The following ARHGAP31 variants were observed in gnomAD, a reference collection of about 807,000 sequenced individuals.
ARHGAP31 encodes rho GTPase-activating protein 31.
A neutral mutation model predicts 113.9 loss-of-function variants in ARHGAP31; 34 were observed. The observed-to-expected ratio is 0.30, with a 90% CI of 0.23 to 0.40. ARHGAP31 has a LOEUF of 0.40. Among genes scored for constraint, ARHGAP31 ranks in the 10% least tolerant of loss-of-function variants. ARHGAP31 has a pLI of 1.00. For synonymous variants in ARHGAP31, 650 were observed against 684.8 expected (o/e 0.95, Z 0.79); for missense variants, 1,548 against 1,767.1 (o/e 0.88, Z 2.22).
intron 1 of ARHGAP31, among the ~76,000 whole-genome samples, chr3:119,354,581 C>T (rs189480180): frequency 8.8e-4 from 133 of 151,882 alleles, no homozygotes; most frequent in African/African-American, 3.2e-3. Context: ...CATCTCAGCT[C>T]ACTGCAACCT....
chr3:119,404,491 C>G (rs938792097), intron 10 of ARHGAP31, among the ~76,000 whole-genome samples: 1 of 152,154 alleles, frequency 6.6e-6, no homozygotes, highest in Non-Finnish European at 1.5e-5. Context: ...TCACCCTGCT[C>G]TCTGACGGGG....
In ARHGAP31 at chr3:119,402,512, C is replaced by T. The variant is rs1577031064; in HGVS notation, c.1645+115C>T. On this transcript the variant is annotated intron_variant, in intron 10 of 11. Transcript: ENST00000264245. ...GGTTAAGCCTGTGGGCTCTAGAGCC[C>T]GATTGGGTACAAATCCACGCTCTGC... is the stretch of plus-strand genomic sequence containing the variant. 4 of 1,139,424 alleles carry T rather than the reference C, an allele frequency of 3.5e-6. No individual in the cohort carries two copies. The East Asian group carries it at 7.7e-5, about 22-fold the overall frequency. The allele number at this position is 1,139,424 out of a possible 1,614,324, so 70.6% of individuals were successfully genotyped here.
intron 1 of ARHGAP31, among the ~76,000 whole-genome samples, chr3:119,312,907 C>T (rs2079695465): frequency 6.6e-6 from 1 of 152,080 alleles, no homozygotes; most frequent in Non-Finnish European, 1.5e-5. Context: ...AGCACAGAGA[C>T]CTTTCTCTGT....
At chr3:119,337,985 T>G (rs1350774315) in intron 1 of ARHGAP31, among the ~76,000 whole-genome samples, 2 of 152,176 alleles carry the variant, frequency 1.3e-5, no homozygotes, top group Non-Finnish European at 2.9e-5. Context: ...TCATTTAAGG[T>G]CTATATATGC....
chr3:119,295,705 T>C (rs2079529029), intron 1 of ARHGAP31, among the ~76,000 whole-genome samples: 1 of 151,022 alleles, frequency 6.6e-6, no homozygotes, highest in African/African-American at 2.4e-5. Context: ...TTAAATAGTT[T>C]AGGGTAAGTA....
chr3:119,405,498 A>G (rs886109334), intron 10 of ARHGAP31, among the ~76,000 whole-genome samples: 1 of 152,174 alleles, frequency 6.6e-6, no homozygotes, highest in African/African-American at 2.4e-5. Flanking sequence ...GCTTCCACTT[A>G]AGGATGTCAC....
At chr3:119,306,201 T>C (rs1439747305) in intron 1 of ARHGAP31, among the ~76,000 whole-genome samples, 1 of 152,210 alleles carries the variant, frequency 6.6e-6, no homozygotes, top group Non-Finnish European at 1.5e-5. Flanking sequence ...AGTATACTAC[T>C]AGAGATACTC....
chr3:119,370,457 C>T (rs1004239779), intron 3 of ARHGAP31, among the ~76,000 whole-genome samples: 5 of 152,056 alleles, frequency 3.3e-5, no homozygotes, highest in African/African-American at 1.2e-4. Context: ...TAAAGTAATA[C>T]AGAAATGTAT....
In ARHGAP31 at chr3:119,344,705, C is replaced by T. The variant is rs1045377600; in HGVS notation, c.101-20611C>T. On this transcript the variant is annotated intron_variant, in intron 1 of 11. Transcript: ENST00000264245. ...AGTACAGTGGCGTGATCATGGCTCACGGCAGCCTCAACCTCCCCCCATCTC... is the reference window on the plus strand; with the variant it reads ...AGTACAGTGGCGTGATCATGGCTCATGGCAGCCTCAACCTCCCCCCATCTC... Among the ~76,000 whole-genome samples, 6 of 151,934 alleles carry T rather than the reference C, an allele frequency of 3.9e-5. No individual in the cohort carries two copies. The East Asian group carries it at 5.8e-4, about 15-fold the overall frequency.
chr3:119,325,730 C>T (rs951892404), intron 1 of ARHGAP31, among the ~76,000 whole-genome samples: 3 of 152,034 alleles, frequency 2.0e-5, no homozygotes, highest in South Asian at 2.1e-4. Context: ...AAAACAGTGG[C>T]GAGAAGAAAC....
intron 6 of ARHGAP31, among the ~76,000 whole-genome samples, chr3:119,388,377 G>A (rs1315831069): frequency 6.7e-6 from 1 of 149,370 alleles, no homozygotes; most frequent in African/African-American, 2.5e-5. Flanking sequence ...GGGCCAGTGG[G>A]CAAACAGGAA....
In ARHGAP31 at chr3:119,294,628, G is replaced by C. The variant is rs1250958392; in HGVS notation, c.-277G>C. The C allele has an allele frequency of 1.8e-6, 1 of 558,508 alleles. No homozygotes were observed. Among genetic ancestry groups the C allele is most frequent in the African/African-American group, 2.0e-5 (1 of 49,742 alleles). The allele number at this position is 558,508 out of a possible 1,614,324, so 34.6% of individuals were successfully genotyped here. A position where few individuals can be genotyped will look rare whatever the true frequency, so the allele number is the denominator to read the frequency against. ...CCTGTGAAAGTCCCTAGGACTCCAAGTGAGGAAGTGACACTCCCAGGCGAG... is the reference window on the plus strand; with the variant it reads ...CCTGTGAAAGTCCCTAGGACTCCAACTGAGGAAGTGACACTCCCAGGCGAG... On this transcript the variant is annotated 5_prime_UTR_variant, in exon 1 of 12. Transcript: ENST00000264245.
rs1391875786 is a variant in ARHGAP31 at position 119,409,668 on chromosome 3, A to G, written c.1818A>G (p.Pro606=). 1 of 1,611,818 alleles carries G rather than the reference A, an allele frequency of 6.2e-7. No homozygotes were observed. Among genetic ancestry groups the G allele is most frequent in the Non-Finnish European group, 8.5e-7 (1 of 1,178,962 alleles). The change falls in exon 11 of 12, where the codon CCA becomes CCG. Residue 606 remains proline (P), a synonymous_variant. Transcript: ENST00000264245. ...SQHLNELEKR[P]NPEKVVEEGR... is the part of the protein sequence containing the mutation. ...ATTTAAATGAATTAGAGAAGAGGCC[A>G]AATCCGGAGAAGGTGGTGGAGGAGG...
intron 1 of ARHGAP31, among the ~76,000 whole-genome samples, chr3:119,334,201 G>A (rs1385043393): frequency 2.6e-5 from 4 of 151,916 alleles, no homozygotes; most frequent in South Asian, 4.2e-4. Context: ...TTCATCTCCC[G>A]GCTCCCCCTC....
Position 119,420,539 on chromosome 3 carries a change from T to C in ARHGAP31, c.*4275T>C, listed in dbSNP as rs922613042. 1 of 148,704 alleles carries C rather than the reference T, an allele frequency of 6.7e-6. No homozygotes were observed. The highest frequency in any genetic ancestry group is 1.5e-5 in the Non-Finnish European group (1 of 66,712). The allele number at this position is 148,704 out of a possible 1,614,324, so 9.2% of individuals were successfully genotyped here. A position where few individuals can be genotyped will look rare whatever the true frequency, so the allele number is the denominator to read the frequency against. On this transcript the variant is annotated 3_prime_UTR_variant, in exon 12 of 12. Transcript: ENST00000264245. ...GATCATTTAGTAATCTTGAGGTACA[T>C]TAATAATGCAGAGATTACTTTTCTG...
At chr3:119,322,957 C>T (rs1237850925) in intron 1 of ARHGAP31, among the ~76,000 whole-genome samples, 4 of 152,230 alleles carry the variant, frequency 2.6e-5, no homozygotes, top group African/African-American at 9.6e-5. Flanking sequence ...TGCCCCCGCC[C>T]CGCAGTAGGG....
chr3:119,370,686 CG>C (rs1346911940), intron 3 of ARHGAP31, among the ~76,000 whole-genome samples: 1 of 152,130 alleles, frequency 6.6e-6, no homozygotes, highest in Non-Finnish European at 1.5e-5. Flanking sequence ...TTAAGAAATA[CG>C]GGAAGACACT....
Position 119,420,553 on chromosome 3 carries a change from A to G in ARHGAP31, c.*4289A>G, listed in dbSNP as rs891461428. On this transcript the variant is annotated 3_prime_UTR_variant, in exon 12 of 12. Coordinates refer to ENST00000264245, the MANE Select transcript of ARHGAP31 (RefSeq NM_020754.4). ...CTTGAGGTACATTAATAATGCAGAG[A>G]TTACTTTTCTGTGAGGGTAAGGGGG... 6.6e-6 allele frequency: 1 copy of G among 152,100 alleles called. No homozygotes were observed. The highest frequency in any genetic ancestry group is 1.5e-5 in the Non-Finnish European group (1 of 68,016). 9.4% of individuals were successfully genotyped at this position (152,100 alleles called of 1,614,324 possible). A position where few individuals can be genotyped will look rare whatever the true frequency, so the allele number is the denominator to read the frequency against.
intron 1 of ARHGAP31, among the ~76,000 whole-genome samples, chr3:119,297,919 C>CAA (rs2079547253): frequency 6.7e-6 from 1 of 148,450 alleles, no homozygotes; most frequent in African/African-American, 2.6e-5. Context: ...AACACACACA[C>CAA]ACACACACAC....
Sources: gnomAD v4.1 joint callset for allele counts (sites outside exome capture counted in the v4.1 genomes callset) on GRCh38, gnomAD v4.1.1 for gene constraint, MANE v1.5 for transcripts, NCBI Gene and HGNC (gene_info 2026-07-23, HGNC 2026-07-21) for gene names.